The following COL4A1 variants were observed in gnomAD, a reference collection of about 807,000 sequenced individuals.
COL4A1 encodes the protein collagen type IV alpha 1 chain, also known as collagen alpha-1(IV) chain.
In COL4A1, 40 loss-of-function variants were observed where a neutral mutation model predicts 216.6. The ratio of observed to expected loss-of-function variants is 0.18; its 90% confidence interval spans 0.14 to 0.24. The LOEUF is 0.24. COL4A1 is among the 10% of genes least tolerant of loss of function. The pLI, the probability that COL4A1 is intolerant of heterozygous loss-of-function variation, is 1.00. For missense variants in COL4A1, 1,628 were observed against 2,196.8 expected, an observed-to-expected ratio of 0.74 and a Z score of 5.18; for synonymous variants, 839 against 810.7, an observed-to-expected ratio of 1.03 and a Z score of -0.59.
intron 1 of COL4A1, among the ~76,000 whole-genome samples, chr13:110,250,136 C>G (rs1001495051): frequency 6.6e-6 from 1 of 150,770 alleles, no homozygotes; most frequent in Admixed American, 6.6e-5. Flanking sequence ...ACAGTCCCTA[C>G]TACTGTTTAG....
At position 110,179,323 on chromosome 13, in the gene COL4A1, G is replaced by A. The variant is rs370216226; in HGVS notation, c.2292C>T (p.Gly764=). 1.4e-5 allele frequency: 23 copies of A among 1,613,970 alleles called. No homozygotes were observed. Among genetic ancestry groups the A allele is most frequent in the Admixed American group, 6.7e-5 (4 of 59,990 alleles). ...PGEKGSIGVP[G]VPGEHGAIGP... Reference sequence around the variant, plus strand: ...CGATCGCTCCATGTTCTCCAGGAACGCCTGGTACCCCAATGCTCCCCTTCT... The same window carrying A: ...CGATCGCTCCATGTTCTCCAGGAACACCTGGTACCCCAATGCTCCCCTTCT... Residue 764 remains glycine (G), a synonymous_variant, in exon 30 of 52, where the codon GGC becomes GGT. Transcript: ENST00000375820.
At chr13:110,296,884 C>T (rs1884297766) in intron 1 of COL4A1, among the ~76,000 whole-genome samples, 4 of 152,152 alleles carry the variant, frequency 2.6e-5, no homozygotes, top group Non-Finnish European at 4.4e-5. Flanking sequence ...ATTATAAAGG[C>T]TACTGTATTA....
At chr13:110,205,445 G>A (rs891347800) in intron 16 of COL4A1, 39 bp from the exon 17 acceptor site, 1 of 1,614,056 alleles carries the variant, frequency 6.2e-7, no homozygotes. Context: ...TCAGAGGCCA[G>A]TGGTAGGAAC....
intron 49 of COL4A1, among the ~76,000 whole-genome samples, chr13:110,159,883 A>T (rs1876987424): frequency 6.6e-6 from 1 of 152,056 alleles, no homozygotes; most frequent in Admixed American, 6.6e-5. Flanking sequence ...TTCCACTTAC[A>T]TGAGGTGTCT....
intron 49 of COL4A1, among the ~76,000 whole-genome samples, chr13:110,157,823 C>T (rs1876858070): frequency 1.3e-5 from 2 of 152,092 alleles, no homozygotes; most frequent in Non-Finnish European, 2.9e-5. Context: ...GCTCAAAGAC[C>T]AGGGGTGTTT....
chr13:110,246,497 G>A (rs1881819154), intron 1 of COL4A1, among the ~76,000 whole-genome samples: 1 of 152,188 alleles, frequency 6.6e-6, no homozygotes, highest in Non-Finnish European at 1.5e-5. Context: ...CATAAATAAT[G>A]CAGGTTACCC....
At chr13:110,191,890 CATTT>C (rs1878645834) in intron 24 of COL4A1, among the ~76,000 whole-genome samples, 1 of 152,162 alleles carries the variant, frequency 6.6e-6, no homozygotes, top group South Asian at 2.1e-4. Context: ...CCTGTGACAC[CATTT>C]GTTTCCAGAA....
intron 2 of COL4A1, among the ~76,000 whole-genome samples, chr13:110,232,692 G>C (rs985332953): frequency 1.3e-5 from 2 of 152,156 alleles, no homozygotes; most frequent in African/African-American, 4.8e-5. Context: ...ACCAATGACA[G>C]CCTGTACTCC....
At position 110,150,370 on chromosome 13, in the gene COL4A1, C is replaced by T. The variant is rs751180466; in HGVS notation, c.5003G>A (p.Arg1668Lys). The change falls in exon 52 of 52, where the codon AGA (arginine) becomes AAA (lysine). Residue 1668 changes from arginine (R) to lysine (K), a missense_variant. Physicochemically the swap from Arg to Lys is conservative, Grantham distance 26. Coordinates refer to ENST00000375820, the MANE Select transcript of COL4A1 (RefSeq NM_001845.6). Reference sequence around the variant, plus strand: ...TAGCTGAGTCAGGCTTCATTATGTTCTTCTCATACAGACTTGGCAGCGGCT... The same window carrying T: ...TAGCTGAGTCAGGCTTCATTATGTTTTTCTCATACAGACTTGGCAGCGGCT... Reference protein sequence around the residue: ...HVSRCQVCMRRT With the variant: ...HVSRCQVCMRKT The T allele has an allele frequency of 1.2e-6, 2 of 1,613,890 alleles. No homozygotes were observed. The highest frequency in any genetic ancestry group is 2.7e-5 in the African/African-American group (2 of 75,054).
Position 110,161,339 on chromosome 13 carries a change from C to A in COL4A1, c.4493G>T (p.Ser1498Ile). The A allele has an allele frequency of 6.2e-7, 1 of 1,613,834 alleles. No homozygotes were observed. Among genetic ancestry groups the A allele is most frequent in the Non-Finnish European group, 8.5e-7 (1 of 1,179,852 alleles). The change falls in exon 49 of 52, where the codon AGC (serine) becomes ATC (isoleucine). Residue 1498 changes from serine (S) to isoleucine (I), a missense_variant. Physicochemically the swap from Ser to Ile is moderately radical, Grantham distance 142. This residue lies in a region of COL4A1 where 254 missense variants were observed against 300.1 expected (regional missense o/e 0.85). Coordinates refer to ENST00000375820, the MANE Select transcript of COL4A1 (RefSeq NM_001845.6). The part of the protein sequence containing the change: ...GTAGSCLRKF[S>I]TMPFLFCNIN... ...ATTGCAGAACAGGAAGGGCATTGTG[C>A]TGAACTTGCGCAGGCAGCTGCCGGC...
In COL4A1 at chr13:110,195,088, G is replaced by A; in HGVS notation, c.1316C>T (p.Pro439Leu). 6.2e-7 allele frequency: 1 copy of A among 1,614,158 alleles called. No individual in the cohort carries two copies. Among genetic ancestry groups the A allele is most frequent in the Non-Finnish European group, 8.5e-7 (1 of 1,180,012 alleles). ...AATTCCAGGAGGACCCTGGTCACCT[G>A]GAGGTCCGGGCTGACATTCCACAAT... ...NGIVECQPGP[P>L]GDQGPPGIPG... Residue 439 changes from proline to leucine, a missense_variant, in exon 22 of 52, where the codon CCA becomes CTA. Physicochemically the swap from Pro to Leu is moderately conservative, Grantham distance 98 (BLOSUM62 -3). Around this residue, in one of 8 missense-constraint regions of COL4A1, gnomAD observed 701 missense variants for 892.5 expected, o/e 0.79. Transcript: ENST00000375820.
intron 2 of COL4A1, among the ~76,000 whole-genome samples, chr13:110,225,741 G>A (rs1880711296): frequency 6.6e-6 from 1 of 152,162 alleles, no homozygotes; most frequent in Non-Finnish European, 1.5e-5. Context: ...TGAGCACGCG[G>A]AGCTCCGGGC....
intron 45 of COL4A1, among the ~76,000 whole-genome samples, chr13:110,165,283 G>A (rs1420880024): frequency 6.6e-6 from 1 of 152,096 alleles, no homozygotes; most frequent in African/African-American, 2.4e-5. Flanking sequence ...CCTCATGCCA[G>A]CCCTCCCAGC....
intron 1 of COL4A1, among the ~76,000 whole-genome samples, chr13:110,295,378 C>T (rs2139316609): frequency 6.6e-6 from 1 of 151,138 alleles, no homozygotes; most frequent in South Asian, 2.1e-4. Context: ...TTGAATGTCC[C>T]ATTAAACAAC....
chr13:110,239,995 A>G (rs1881486956), intron 2 of COL4A1, among the ~76,000 whole-genome samples: 1 of 152,128 alleles, frequency 6.6e-6, no homozygotes, highest in East Asian at 1.9e-4. Flanking sequence ...GAACCATAGG[A>G]CCTGAAATGT....
chr13:110,264,518 AAG>A (rs1194896750), intron 1 of COL4A1, among the ~76,000 whole-genome samples: 2 of 152,206 alleles, frequency 1.3e-5, no homozygotes, highest in African/African-American at 4.8e-5. Flanking sequence ...GAGGAGGAGA[AAG>A]AAGTAAAAGG....
At chr13:110,167,862 G>T (rs140796962) in intron 43 of COL4A1, among the ~76,000 whole-genome samples, 1 of 152,138 alleles carries the variant, frequency 6.6e-6, no homozygotes, top group African/African-American at 2.4e-5. Context: ...TTCTTACGTA[G>T]ATTTGTTTCT....
chr13:110,206,915 C>T (rs752951506), intron 13 of COL4A1, 24 bp from the exon 14 acceptor site: 8 of 1,612,832 alleles, frequency 5.0e-6, no homozygotes, highest in Non-Finnish European at 6.8e-6. Flanking sequence ...AGAGACAGAT[C>T]AGCACTATCA....
Position 110,307,111 on chromosome 13 carries a change from C to T in COL4A1, c.-84G>A. On this transcript the variant is annotated 5_prime_UTR_variant, in exon 1 of 52. Coordinates refer to ENST00000375820, the MANE Select transcript of COL4A1 (RefSeq NM_001845.6). This position sits in a 1 kb window ranked among gnomAD's most constrained non-coding sequence, Gnocchi z 5.0. Reference sequence around the variant, plus strand: ...AGCTAGCTCTCGGAAGGCCGGACTTCCAGCGCTACGCACCGTCCCGGGTGC... The same window carrying T: ...AGCTAGCTCTCGGAAGGCCGGACTTTCAGCGCTACGCACCGTCCCGGGTGC... 1 of 1,152,748 alleles carries T rather than the reference C, an allele frequency of 8.7e-7. No individual in the cohort carries two copies. The highest frequency in any genetic ancestry group is 1.6e-5 in the African/African-American group (1 of 61,434). 71.4% of individuals were successfully genotyped at this position (1,152,748 alleles called of 1,614,324 possible).
Sources: allele counts gnomAD v4.1 joint callset (sites outside exome capture counted in the v4.1 genomes callset), GRCh38; gene constraint gnomAD v4.1.1; regional missense constraint gnomAD v4.1.1; non-coding constraint Gnocchi (gnomAD v3.1); transcripts MANE v1.5; gene names NCBI Gene and HGNC (gene_info 2026-07-23, HGNC 2026-07-21).